LTBP1: variants seen among roughly 807,000 people sequenced by gnomAD.
LTBP1 encodes the protein latent-transforming growth factor beta-binding protein 1.
In LTBP1, 129 loss-of-function variants were observed where a neutral mutation model predicts 207.6. The ratio of observed to expected loss-of-function variants is 0.62; its 90% CI spans 0.54 to 0.72. The LOEUF is 0.72. Among genes scored for constraint, LTBP1 ranks in the 30% least tolerant of loss-of-function variants. The pLI is 0.00. For missense variants in LTBP1, 2,281 were observed against 2,217.2 expected (o/e 1.03, Z -0.58); for synonymous variants, 963 against 833.7 (o/e 1.16, Z -2.67).
intron 7 of LTBP1, among the ~76,000 whole-genome samples, chr2:33,213,640 A>G (rs1264882490): frequency 6.6e-6 from 1 of 152,194 alleles, no homozygotes; most frequent in Non-Finnish European, 1.5e-5. Context: ...CTCTTGGGTG[A>G]GAGCCCTGAG....
At chr2:33,094,965 C>T (rs564350453) in intron 3 of LTBP1, among the ~76,000 whole-genome samples, 1 of 152,298 alleles carries the variant, frequency 6.6e-6, no homozygotes, top group Non-Finnish European at 1.5e-5. Context: ...CAAATTTATA[C>T]ACTATATAGT....
intron 20 of LTBP1, 141 bp from the exon 21 acceptor site, chr2:33,300,310 T>G: frequency 1.5e-6 from 1 of 653,922 alleles, no homozygotes; most frequent in South Asian, 1.9e-5. Context: ...ATGGGTGGAG[T>G]GATAAATACT....
At chr2:32,948,999 G>A in intron 2 of LTBP1, 54 bp downstream of exon 2, 11 of 1,564,114 alleles carry the variant, frequency 7.0e-6, no homozygotes, top group Non-Finnish European at 9.7e-6. Context: ...GGGGGGAGGT[G>A]TCCACATGGG....
intron 19 of LTBP1, among the ~76,000 whole-genome samples, chr2:33,288,985 GGAA>G (rs2093723147): frequency 6.6e-6 from 1 of 152,174 alleles, no homozygotes; most frequent in Admixed American, 6.5e-5. Context: ...ATTTTAAAAA[GGAA>G]GTGATGATTA....
Position 33,347,520 on chromosome 2 carries a change from A to G in LTBP1, c.4000+10A>G. ...TCCCGGACCTCCACAGGTAAGTCCC[A>G]GTGACACTGTGCAAGGGAATGACAG... On this transcript the variant is annotated intron_variant, in intron 26 of 33. Transcript: ENST00000404816. 6.2e-7 allele frequency: 1 copy of G among 1,613,950 alleles called. No individual in the cohort carries two copies. Among genetic ancestry groups the G allele is most frequent in the Non-Finnish European group, 8.5e-7 (1 of 1,179,976 alleles).
chr2:33,305,541 C>T (rs927307653), intron 22 of LTBP1, among the ~76,000 whole-genome samples: 12 of 152,106 alleles, frequency 7.9e-5, no homozygotes, highest in African/African-American at 2.2e-4. Context: ...CCCGAGGAAC[C>T]AGCTATGTGG....
At chr2:32,954,713 T>C (rs1677784706) in intron 2 of LTBP1, among the ~76,000 whole-genome samples, 1 of 152,052 alleles carries the variant, frequency 6.6e-6, no homozygotes, top group Admixed American at 6.5e-5. Context: ...GCAGATGCCT[T>C]GCACATAGGT....
intron 11 of LTBP1, among the ~76,000 whole-genome samples, chr2:33,256,703 A>G (rs1485638924): frequency 8.7e-6 from 1 of 114,950 alleles, no homozygotes; most frequent in Non-Finnish European, 1.8e-5. Context: ...GGTTGCTGAT[A>G]TATATGGGAT....
chr2:33,149,231 A>AAC (rs2083309526), intron 5 of LTBP1, among the ~76,000 whole-genome samples: 6 of 134,440 alleles, frequency 4.5e-5, no homozygotes, highest in African/African-American at 1.6e-4. Context: ...AAAAAAACAA[A>AAC]AAAAAAAAAA....
At chr2:33,278,710 A>G (rs115689607) in intron 18 of LTBP1, among the ~76,000 whole-genome samples, 77 of 152,290 alleles carry the variant, frequency 5.1e-4, no homozygotes, top group African/African-American at 1.8e-3. Context: ...TAGCAGTTGT[A>G]GTTCTATTTT....
chr2:33,213,694 C>T (rs190953538), intron 7 of LTBP1, among the ~76,000 whole-genome samples: 4 of 152,312 alleles, frequency 2.6e-5, no homozygotes, highest in East Asian at 1.9e-4. Context: ...GGCTGCACAT[C>T]GAAGCCTCTT....
At chr2:33,191,477 A>G (rs957453572) in intron 7 of LTBP1, among the ~76,000 whole-genome samples, 1 of 152,236 alleles carries the variant, frequency 6.6e-6, no homozygotes, top group Non-Finnish European at 1.5e-5. Context: ...TTCTCAGCAT[A>G]TATTTATTGG....
intron 19 of LTBP1, among the ~76,000 whole-genome samples, chr2:33,287,237 G>A (rs61151459): frequency 0.041 from 6,197 of 152,248 alleles, 430 homozygotes; most frequent in African/African-American, 0.13. Context: ...CCTCACAGTA[G>A]TCATCTCTGT....
chr2:33,082,431 ACTTTTTTTTTTTTTTTTT>A (rs1355994967), intron 3 of LTBP1, among the ~76,000 whole-genome samples: 86 of 116,038 alleles, frequency 7.4e-4, no homozygotes, highest in Middle Eastern at 4.8e-3. Context: ...AGTATGACTC[ACTTTTTTTTTTTTTTTTT>A]TTTTTTTTTT....
intron 3 of LTBP1, among the ~76,000 whole-genome samples, chr2:33,057,898 G>A (rs904633623): frequency 3.9e-5 from 6 of 152,262 alleles, no homozygotes; most frequent in African/African-American, 1.2e-4. Context: ...GGGCTGAAGG[G>A]CTCCTCAAGC....
chr2:33,270,616 G>T (rs1320701664), intron 15 of LTBP1, among the ~76,000 whole-genome samples: 2 of 141,438 alleles, frequency 1.4e-5, no homozygotes, highest in Non-Finnish European at 3.1e-5. Context: ...AAAAAAGAAT[G>T]GAATCCTGCC....
chr2:32,952,921 G>A lies in LTBP1; in HGVS notation c.565+3976G>A, dbSNP rs369331824. On this transcript the variant is annotated intron_variant, in intron 2 of 33. Transcript: ENST00000404816. Reference sequence around the variant, plus strand: ...GGCACATTGCAGGCCTTCCATACACGCATGGATGGTTCTTTCATTTACTGT... The same window carrying A: ...GGCACATTGCAGGCCTTCCATACACACATGGATGGTTCTTTCATTTACTGT... 5.3e-5 allele frequency among the ~76,000 whole-genome samples: 8 copies of A among 152,276 alleles called. No individual in the cohort carries two copies. In the South Asian group the frequency reaches 8.3e-4, roughly 16 times the overall value.
intron 5 of LTBP1, among the ~76,000 whole-genome samples, chr2:33,186,611 A>G (rs2087233056): frequency 6.6e-6 from 1 of 151,632 alleles, no homozygotes. Flanking sequence ...TTTTCTTTCC[A>G]TTGTTGGAGG....
intron 5 of LTBP1, among the ~76,000 whole-genome samples, chr2:33,138,963 A>C (rs1223683842): frequency 1.5e-5 from 2 of 135,932 alleles, no homozygotes; most frequent in Admixed American, 1.7e-4. Context: ...GGTTCACGCC[A>C]TTCTCCTGCC....
Sources: allele counts gnomAD v4.1 joint callset (sites outside exome capture counted in the v4.1 genomes callset), GRCh38; gene constraint gnomAD v4.1.1; transcripts MANE v1.5; gene names NCBI Gene and HGNC (gene_info 2026-07-23, HGNC 2026-07-21).